Variants in ZFHX3 observed in about 807,000 individuals in gnomAD.
The protein encoded by ZFHX3 is zinc finger homeobox protein 3.
In ZFHX3, 42 loss-of-function variants were observed where a neutral mutation model predicts 279.1. The observed-to-expected ratio is 0.15, with a 90% CI of 0.12 to 0.19. The LOEUF is 0.19. ZFHX3 is among the 10% of genes least tolerant of loss of function. The probability of loss-of-function intolerance (pLI) is 1.00; values close to 1 mark genes in which losing one functional copy is unlikely to be tolerated. For synonymous variants in ZFHX3, 2,293 were observed against 1,957.8 expected (o/e 1.17, Z -4.52); for missense variants, 4,981 against 4,754.0 (o/e 1.05, Z -1.40).
At chr16:72,882,181 T>C (rs1191219097) in intron 4 of ZFHX3, among the ~76,000 whole-genome samples, 1 of 149,820 alleles carries the variant, frequency 6.7e-6, no homozygotes, top group Non-Finnish European at 1.5e-5. Context: ...CCTTTTTTTT[T>C]TTTTTTTTTT....
intron 5 of ZFHX3, among the ~76,000 whole-genome samples, chr16:73,227,780 C>T (rs760951864): frequency 3.9e-5 from 5 of 128,858 alleles, no homozygotes; most frequent in African/African-American, 9.0e-5. Flanking sequence ...ACCAGGGAGG[C>T]AGAGATTGCA....
intron 4 of ZFHX3, among the ~76,000 whole-genome samples, chr16:73,271,356 C>A (rs539778240): frequency 1.6e-4 from 25 of 152,364 alleles, no homozygotes; most frequent in African/African-American, 5.8e-4. Flanking sequence ...CCCTGTGGCA[C>A]CCACTGGCAG....
chr16:73,526,370 G>T (rs1000936646), intron 2 of ZFHX3, among the ~76,000 whole-genome samples: 2 of 152,202 alleles, frequency 1.3e-5, no homozygotes, highest in African/African-American at 2.4e-5. Flanking sequence ...AAATGTTACA[G>T]AGAAAGGAGG....
intron 3 of ZFHX3, among the ~76,000 whole-genome samples, chr16:72,895,860 T>C (rs1387042034): frequency 6.6e-6 from 1 of 151,424 alleles, no homozygotes; most frequent in East Asian, 1.9e-4. Context: ...GATAAACAGA[T>C]AGGTAGATTA....
intron 5 of ZFHX3, among the ~76,000 whole-genome samples, chr16:73,186,063 G>A (rs967405552): frequency 1.3e-5 from 2 of 152,088 alleles, no homozygotes; most frequent in African/African-American, 4.8e-5. Context: ...AATGCCTGAT[G>A]ATCTGTCACT....
Position 72,811,742 on chromosome 16 carries a change from G to A in ZFHX3, c.3699C>T (p.Ala1233=), listed in dbSNP as rs867245460. The change falls in exon 7 of 10, where the codon GCC becomes GCT. Residue 1233 remains alanine, a synonymous_variant. Transcript: ENST00000268489. The part of the protein sequence containing the change: ...YQCPYCKYSN[A]DVNRLRVHAM... ...CATGCACCCGGAGCCGGTTGACATC[G>A]GCATTACTGTACTTGCAGTAGGGAC... The A allele has an allele frequency of 6.8e-6, 11 of 1,613,906 alleles. No individual in the cohort carries two copies. The highest frequency in any genetic ancestry group is 4.4e-5 in the South Asian group (4 of 91,068).
intron 3 of ZFHX3, among the ~76,000 whole-genome samples, chr16:72,915,789 T>C (rs1296690626): frequency 1.3e-5 from 2 of 151,932 alleles, no homozygotes; most frequent in African/African-American, 4.8e-5. Context: ...CTGAATTTCA[T>C]TGTGATTTTA....
chr16:72,811,902 C>T lies in ZFHX3; in HGVS notation c.3663+3G>A, dbSNP rs372588598. The T allele has an allele frequency of 1.9e-6, 3 of 1,613,744 alleles. No individual in the cohort carries two copies. Among genetic ancestry groups the T allele is most frequent in the Non-Finnish European group, 1.7e-6 (2 of 1,179,920 alleles). On this transcript the variant is annotated splice_donor_region_variant and intron_variant, in intron 6 of 9. Transcript: ENST00000268489. Reference sequence around the variant, plus strand: ...CCACCAGCAGAGTCCCTTCCAGCCTCACCTGCTCCGGTTTGATCTCCTCAG... The same window carrying T: ...CCACCAGCAGAGTCCCTTCCAGCCTTACCTGCTCCGGTTTGATCTCCTCAG...
At chr16:73,362,932 A>G (rs900304583) in intron 3 of ZFHX3, among the ~76,000 whole-genome samples, 126 of 152,390 alleles carry the variant, frequency 8.3e-4, no homozygotes, top group Middle Eastern at 3.4e-3. Context: ...TATAGGACCT[A>G]AAACATTTTT....
intron 1 of ZFHX3, among the ~76,000 whole-genome samples, chr16:73,869,546 C>T (rs563309245): frequency 7.9e-4 from 120 of 152,288 alleles, no homozygotes; most frequent in Middle Eastern, 3.4e-3. Flanking sequence ...CTTTAGAAAA[C>T]GCAGGATATA....
rs767227322 is a variant in ZFHX3, at chr16:72,974,449, G to C, written c.-49-14255C>G. ...GAAACAAGGAGTGTGTTTTCCTCTCGGCAGGAAGAAAACCACTCGGTGGGC... is the reference window on the plus strand; with the variant it reads ...GAAACAAGGAGTGTGTTTTCCTCTCCGCAGGAAGAAAACCACTCGGTGGGC... On this transcript the variant is annotated intron_variant, in intron 1 of 9. Transcript: ENST00000268489. 2.0e-5 allele frequency among the ~76,000 whole-genome samples: 3 copies of C among 152,110 alleles called. No individual in the cohort carries two copies. In the South Asian group the frequency reaches 6.2e-4, roughly 32 times the overall value.
rs569037920 is a variant in ZFHX3, at chr16:73,644,530, G to A, written c.-1547+35650C>T. On this transcript the variant is annotated intron_variant, in intron 2 of 17. Transcript: ENST00000641206. ...GCAAAAATTAGCTGGGCCTGGTGGC[G>A]GGTGCCTGTAATCCCAGCTACCCCA... Among the ~76,000 whole-genome samples, 7 of 152,100 alleles carry A rather than the reference G, an allele frequency of 4.6e-5. No individual in the cohort carries two copies. The South Asian group carries it at 6.2e-4, about 14-fold the overall frequency.
chr16:72,851,293 T>C (rs1216978170), intron 4 of ZFHX3, among the ~76,000 whole-genome samples: 1 of 152,148 alleles, frequency 6.6e-6, no homozygotes, highest in South Asian at 2.1e-4. Flanking sequence ...ATCCACGAAG[T>C]GACTTTACAT....
intron 8 of ZFHX3, among the ~76,000 whole-genome samples, chr16:73,074,659 A>G (rs1045676381): frequency 1.4e-5 from 2 of 141,082 alleles, no homozygotes; most frequent in South Asian, 2.6e-4. Context: ...AGATGAAGAT[A>G]GTTCTGGGCA....
intron 5 of ZFHX3, among the ~76,000 whole-genome samples, chr16:72,817,305 T>C (rs1567531017): frequency 2.0e-5 from 3 of 152,158 alleles, no homozygotes; most frequent in Admixed American, 6.5e-5. Context: ...ACAGAAAACT[T>C]AAGAGTTGTG....
At chr16:73,051,666 G>A (rs1354664524), upstream of ZFHX3, among the ~76,000 whole-genome samples, 1 of 152,152 alleles carries the variant, frequency 6.6e-6, no homozygotes, top group African/African-American at 2.4e-5. Flanking sequence ...AGATACAAAT[G>A]AGTAACCATT....
intron 1 of ZFHX3, among the ~76,000 whole-genome samples, chr16:73,792,773 T>A (rs1229537028): frequency 6.6e-6 from 1 of 152,142 alleles, no homozygotes; most frequent in African/African-American, 2.4e-5. Context: ...AATACCAACC[T>A]TTTTCTTTGA....
At chr16:73,471,123 A>C (rs1296913856) in intron 2 of ZFHX3, among the ~76,000 whole-genome samples, 1 of 152,256 alleles carries the variant, frequency 6.6e-6, no homozygotes, top group East Asian at 1.9e-4. Context: ...AATTCATCAA[A>C]GAAAAGCTGA....
intron 8 of ZFHX3, chr16:73,083,175 C>A (rs1419629524): frequency 6.6e-6 from 1 of 152,608 alleles, no homozygotes; most frequent in Admixed American, 6.5e-5. Flanking sequence ...TGCACTCCAG[C>A]CTGGGCAACA....
Sources: gnomAD v4.1 joint callset for allele counts (sites outside exome capture counted in the v4.1 genomes callset) on GRCh38, gnomAD v4.1.1 for gene constraint, MANE v1.5 for transcripts, NCBI Gene and HGNC (gene_info 2026-07-23, HGNC 2026-07-21) for gene names.